The following PNPLA6 variants were observed in gnomAD, a reference collection of about 807,000 sequenced individuals.
The protein encoded by PNPLA6 is patatin-like phospholipase domain-containing protein 6.
In PNPLA6, 105 loss-of-function variants were observed where a neutral mutation model predicts 153.7. The ratio of observed to expected loss-of-function variants is 0.68; its 90% CI spans 0.58 to 0.80. The LOEUF is 0.80. Among genes scored for constraint, PNPLA6 ranks in the 30% least tolerant of loss-of-function variants. PNPLA6 has a pLI of 0.00. For synonymous variants in PNPLA6, 825 were observed against 822.2 expected (o/e 1.00, Z -0.06); for missense variants, 1,423 against 1,919.3 (o/e 0.74, Z 4.83).
At chr19:7,554,349 T>G in intron 20 of PNPLA6, 77 bp downstream of exon 20, 1 of 1,422,766 alleles carries the variant, frequency 7.0e-7, no homozygotes, top group Non-Finnish European at 9.9e-7. Context: ...TGAGTTCAAG[T>G]TCTTGGCTTC....
chr19:7,555,040 C>T lies in PNPLA6; in HGVS notation c.2782C>T (p.Arg928Cys), dbSNP rs765924753. Residue 928 changes from arginine to cysteine, a missense_variant, in exon 22 of 32, where the codon CGC becomes TGC. Physicochemically the swap from Arg to Cys is radical, Grantham distance 180 (BLOSUM62 -3). This residue lies in a region of PNPLA6 where 643 missense variants were observed against 835.2 expected (regional missense o/e 0.77). Coordinates refer to ENST00000600737, the MANE Select transcript of PNPLA6 (RefSeq NM_001166114.2). This position sits in a 1 kb window ranked among gnomAD's most constrained non-coding sequence, Gnocchi z 6.3. ...GGGGCACCTGCACCTGCGCTGTCCGCGCCGCCTCTTTTCGCGCCGCAGCCC... is the reference window on the plus strand; with the variant it reads ...GGGGCACCTGCACCTGCGCTGTCCGTGCCGCCTCTTTTCGCGCCGCAGCCC... ...CSGHLHLRCP[R>C]RLFSRRSPAK... is the part of the protein sequence containing the mutation. 1.3e-6 allele frequency: 2 copies of T among 1,593,556 alleles called. No homozygotes were observed. The highest frequency in any genetic ancestry group is 1.1e-5 in the South Asian group (1 of 90,322).
chr19:7,543,467 A>C (rs918956412), intron 13 of PNPLA6, among the ~76,000 whole-genome samples: 3 of 152,230 alleles, frequency 2.0e-5, no homozygotes, highest in Non-Finnish European at 4.4e-5. Flanking sequence ...AAATGGCTAC[A>C]AATCGCCATC....
chr19:7,560,340 G>C (rs111740084), intron 28 of PNPLA6, among the ~76,000 whole-genome samples: 5 of 152,234 alleles, frequency 3.3e-5, no homozygotes, highest in African/African-American at 1.2e-4. Flanking sequence ...GACATCCACA[G>C]ATGTACTGCC....
intron 31 of PNPLA6, 38 bp downstream of exon 31, chr19:7,561,355 A>G (rs1158020014): frequency 6.7e-7 from 1 of 1,498,004 alleles, no homozygotes; most frequent in Admixed American, 1.9e-5. Flanking sequence ...CACATCCCCC[A>G]GAGGGTCATG....
At position 7,541,272 on chromosome 19, in the gene PNPLA6, T is replaced by C; in HGVS notation, c.925-82T>C. 1 of 1,297,950 alleles carries C rather than the reference T, an allele frequency of 7.7e-7. No homozygotes were observed. The highest frequency in any genetic ancestry group is 1.2e-5 in the South Asian group (1 of 81,352). 80.4% of individuals were successfully genotyped at this position (1,297,950 alleles called of 1,614,324 possible). A position where few individuals can be genotyped will look rare whatever the true frequency, so the allele number is the denominator to read the frequency against. Reference sequence around the variant, plus strand: ...TCCCTGGTTCCCGCCCGACCCCTTATGCTGCGAACTAGCCCGGCCCACCAT... The same window carrying C: ...TCCCTGGTTCCCGCCCGACCCCTTACGCTGCGAACTAGCCCGGCCCACCAT... On this transcript the variant is annotated intron_variant, in intron 7 of 31. Transcript: ENST00000600737. The surrounding 1 kb of genome is among the most constrained non-coding windows in gnomAD (Gnocchi z 5.2).
chr19:7,555,337 T>C lies in PNPLA6; in HGVS notation c.2906T>C (p.Ile969Thr), dbSNP rs771439990. Residue 969 changes from isoleucine (I) to threonine (T), a missense_variant, in exon 23 of 32, where the codon ATT (isoleucine) becomes ACT (threonine). Coordinates refer to ENST00000600737, the MANE Select transcript of PNPLA6 (RefSeq NM_001166114.2). This position sits in a 1 kb window ranked among gnomAD's most constrained non-coding sequence, Gnocchi z 6.3. ...GCGAGGGTGCTCACGGGGAACACCATTGCCCTTGTGCTAGGCGGGGGCGGG... is the reference window on the plus strand; with the variant it reads ...GCGAGGGTGCTCACGGGGAACACCACTGCCCTTGTGCTAGGCGGGGGCGGG... ...RLARVLTGNT[I>T]ALVLGGGGAR... The C allele has an allele frequency of 6.4e-6, 10 of 1,565,648 alleles. No individual in the cohort carries two copies. The highest frequency in any genetic ancestry group is 2.3e-5 in the East Asian group (1 of 42,578).
chr19:7,558,109 A>G (rs550866326), intron 27 of PNPLA6, among the ~76,000 whole-genome samples: 58 of 152,352 alleles, frequency 3.8e-4, no homozygotes, highest in Non-Finnish European at 6.8e-4. Context: ...GGATGTGCAC[A>G]CACGTAGATA....
intron 27 of PNPLA6, 123 bp downstream of exon 27, chr19:7,557,407 T>TGCAGACACACATGC: frequency 1.4e-6 from 1 of 719,064 alleles, no homozygotes; most frequent in Non-Finnish European, 2.5e-6. Flanking sequence ...CATGCAGGGG[T>TGCAGACACACATGC]GCAGACACAC....
At chr19:7,543,613 G>A (rs765291128) in intron 13 of PNPLA6, among the ~76,000 whole-genome samples, 22 of 152,152 alleles carry the variant, frequency 1.4e-4, no homozygotes, top group Non-Finnish European at 2.5e-4. Context: ...TCAAGGGTTA[G>A]TGACCCGACT....
intron 13 of PNPLA6, among the ~76,000 whole-genome samples, chr19:7,547,811 A>AAATTTTT (rs1406190133): frequency 1.7e-5 from 2 of 114,504 alleles, no homozygotes; most frequent in East Asian, 5.7e-4. Context: ...CTAATTAAAA[A>AAATTTTT]TTTTTTTTTT....
rs1165591323 is a variant in PNPLA6, at chr19:7,535,833, G to A, written c.45G>A (p.Ala15=). ...GGCTGGCTACGAACTCCTCGGGGGC[G>A]AAGGTGGCGGAGAGGGATGGGTTCC... ...SHGLATNSSG[A]KVAERDGFQD... Residue 15 remains alanine, a synonymous_variant, in exon 1 of 32, where the codon GCG becomes GCA. Transcript: ENST00000600737. The surrounding 1 kb of genome is among the most constrained non-coding windows in gnomAD (Gnocchi z 5.0). The A allele has an allele frequency of 6.5e-7, 1 of 1,537,358 alleles. No individual in the cohort carries two copies. Among genetic ancestry groups the A allele is most frequent in the South Asian group, 1.2e-5 (1 of 84,064 alleles).
chr19:7,535,663 T>A (rs7248476), upstream of PNPLA6: 2,035 of 1,543,760 alleles, frequency 1.3e-3, 20 homozygotes, highest in African/African-American at 0.025. The surrounding 1 kb of genome is among the most constrained non-coding windows in gnomAD (Gnocchi z 5.0). Context: ...GCGCATTACG[T>A]GGTCTGGCGA....
chr19:7,545,565 G>A (rs1345052104), intron 13 of PNPLA6, among the ~76,000 whole-genome samples: 2 of 152,138 alleles, frequency 1.3e-5, no homozygotes, highest in African/African-American at 2.4e-5. Context: ...AGAAAGAAAC[G>A]TGTTTACCCA....
At chr19:7,558,787 GGTT>G in intron 27 of PNPLA6, 60 bp from the exon 28 acceptor site, 1 of 1,222,650 alleles carries the variant, frequency 8.2e-7, no homozygotes, top group Non-Finnish European at 1.2e-6. Context: ...TGTGGGACTG[GGTT>G]GAACATCTCT....
At chr19:7,536,369 A>T in intron 2 of PNPLA6, 80 bp from the exon 3 acceptor site, 1 of 1,402,502 alleles carries the variant, frequency 7.1e-7, no homozygotes, top group Non-Finnish European at 1.0e-6. Flanking sequence ...TCCTTCCTTG[A>T]TGGAGACCCC....
chr19:7,556,275 C>G (rs2023877115), intron 24 of PNPLA6, among the ~76,000 whole-genome samples, 178 bp from the exon 25 acceptor site: 1 of 151,910 alleles, frequency 6.6e-6, no homozygotes, highest in South Asian at 2.1e-4. Flanking sequence ...GTTGGCTAGG[C>G]TGCTTTTGAA....
intron 3 of PNPLA6, among the ~76,000 whole-genome samples, 163 bp from the exon 4 acceptor site, chr19:7,539,755 C>T (rs2023037885): frequency 7.9e-6 from 1 of 126,252 alleles, no homozygotes; most frequent in African/African-American, 3.0e-5. Context: ...AAAACTTCGT[C>T]TCAAAAAAAA....
intron 17 of PNPLA6, 88 bp downstream of exon 17, chr19:7,551,195 G>T (rs1196817092): frequency 2.1e-6 from 2 of 937,908 alleles, no homozygotes; most frequent in Non-Finnish European, 1.7e-6. Flanking sequence ...GGGGCTTACA[G>T]AGGGGCGGGG....
chr19:7,550,064 C>T lies in PNPLA6; in HGVS notation c.1766C>T (p.Ala589Val). 1 of 1,614,088 alleles carries T rather than the reference C, an allele frequency of 6.2e-7. No homozygotes were observed. Among genetic ancestry groups the T allele is most frequent in the East Asian group, 2.2e-5 (1 of 44,886 alleles). ...GAACCTCTCATCTTCACACTGCGAG[C>T]CCAACGCGACTGCACCTTCCTGCGG... ...TGEPLIFTLR[A>V]QRDCTFLRIS... The change falls in exon 14 of 32, where the codon GCC becomes GTC. Residue 589 changes from alanine to valine, a missense_variant. By Grantham distance (64) the Ala-to-Val change is moderately conservative (BLOSUM62 0). This residue lies in a region of PNPLA6 where 119 missense variants were observed against 163.7 expected (regional missense o/e 0.73). Coordinates refer to ENST00000600737, the MANE Select transcript of PNPLA6 (RefSeq NM_001166114.2).
Sources: gnomAD v4.1 joint callset for allele counts (sites outside exome capture counted in the v4.1 genomes callset) on GRCh38, gnomAD v4.1.1 for gene constraint, gnomAD v4.1.1 regional missense constraint, Gnocchi (gnomAD v3.1) non-coding constraint, MANE v1.5 for transcripts, NCBI Gene and HGNC (gene_info 2026-07-23, HGNC 2026-07-21) for gene names.